The following LHFPL6 variants were observed in gnomAD, a reference collection of about 807,000 sequenced individuals.
LHFPL6 encodes the protein LHFPL tetraspan subfamily member 6.
Under a neutral mutation model 20.6 loss-of-function variants are expected in LHFPL6, and 9 were observed. That is an observed-to-expected ratio of 0.44 (90% CI 0.26 to 0.76). LHFPL6 has a LOEUF of 0.76. Among genes scored for constraint, LHFPL6 ranks in the 30% least tolerant of loss-of-function variants. The pLI, the probability that LHFPL6 is intolerant of heterozygous loss-of-function variation, is 0.20. For missense variants in LHFPL6, 218 were observed against 253.5 expected (o/e 0.86, Z 0.95); for synonymous variants, 105 against 98.7 (o/e 1.06, Z -0.38).
At chr13:39,418,762 T>C (rs1462717533) in intron 2 of LHFPL6, among the ~76,000 whole-genome samples, 2 of 152,212 alleles carry the variant, frequency 1.3e-5, no homozygotes, top group African/African-American at 4.8e-5. Flanking sequence ...TTTGACAAAA[T>C]TAAACAGCTT....
Position 39,472,932 on chromosome 13 carries a change from C to A in LHFPL6, c.386-94406G>T, listed in dbSNP as rs961857285. ...GGCCCCCTTCTTTATTAACAACAGG[C>A]CTTCACTAGTATAGTCCTTTCCAAA... On this transcript the variant is annotated intron_variant, in intron 2 of 3. Transcript: ENST00000379589. 2.0e-5 allele frequency among the ~76,000 whole-genome samples: 3 copies of A among 152,250 alleles called. No individual in the cohort carries two copies. The South Asian group carries it at 6.2e-4, about 32-fold the overall frequency.
chr13:39,355,247 C>T (rs1011300900), intron 3 of LHFPL6, among the ~76,000 whole-genome samples: 11 of 151,772 alleles, frequency 7.2e-5, no homozygotes, highest in African/African-American at 2.7e-4. Flanking sequence ...TTTCAGTATC[C>T]TTAAAGGAAA....
chr13:39,543,253 C>A (rs2138505630), intron 2 of LHFPL6, among the ~76,000 whole-genome samples: 1 of 152,348 alleles, frequency 6.6e-6, no homozygotes, highest in East Asian at 1.9e-4. Context: ...CTTAGCCATT[C>A]ACTCTTTCCT....
intron 2 of LHFPL6, among the ~76,000 whole-genome samples, chr13:39,417,072 C>T (rs767877281): frequency 5.3e-5 from 8 of 152,102 alleles, no homozygotes; most frequent in Non-Finnish European, 7.4e-5. Context: ...CCTCTTAACT[C>T]CAGGAAGAAA....
chr13:39,416,223 T>G (rs1018343284), intron 2 of LHFPL6, among the ~76,000 whole-genome samples: 2 of 152,200 alleles, frequency 1.3e-5, no homozygotes, highest in African/African-American at 4.8e-5. Flanking sequence ...GACTCAATGA[T>G]CAAGCCCTAG....
At chr13:39,489,050 T>TGAACA (rs1868824568) in intron 2 of LHFPL6, among the ~76,000 whole-genome samples, 1 of 152,188 alleles carries the variant, frequency 6.6e-6, no homozygotes, top group African/African-American at 2.4e-5. Context: ...CAATATCATT[T>TGAACA]AAGGACTCCC....
chr13:39,533,822 A>G (rs968992143), intron 2 of LHFPL6, among the ~76,000 whole-genome samples: 1 of 152,126 alleles, frequency 6.6e-6, no homozygotes, highest in Non-Finnish European at 1.5e-5. Context: ...CATACACAAC[A>G]TTCCACACAT....
At chr13:39,529,227 G>C (rs1870385651) in intron 2 of LHFPL6, among the ~76,000 whole-genome samples, 1 of 152,030 alleles carries the variant, frequency 6.6e-6, no homozygotes, top group Non-Finnish European at 1.5e-5. Context: ...GAGTAGCTGG[G>C]ATTACAGGCA....
rs60324329 is a variant in LHFPL6 at position 39,563,091 on chromosome 13, A to AACACACACACAC, written c.385+37729_385+37740dup. ...ATAAAGGTCATGGGGCAATACTAGA[A>AACACACACACAC]ACACACACACACACACACACACACA... On this transcript the variant is annotated intron_variant, in intron 2 of 3. Transcript: ENST00000379589. 6.4e-3 allele frequency among the ~76,000 whole-genome samples: 869 copies of AACACACACACAC among 135,834 alleles called. 17 individuals are homozygous for AACACACACACAC. Among genetic ancestry groups the AACACACACACAC allele is most frequent in the Non-Finnish European group, 9.7e-3 (615 of 63,320 alleles). The allele number at this position is 135,834 out of a possible 152,430, so 89.1% of individuals were successfully genotyped here. A position where few individuals can be genotyped will look rare whatever the true frequency, so the allele number is the denominator to read the frequency against.
At chr13:39,451,056 G>A (rs182043963) in intron 2 of LHFPL6, among the ~76,000 whole-genome samples, 4 of 152,150 alleles carry the variant, frequency 2.6e-5, no homozygotes, top group African/African-American at 9.6e-5. Flanking sequence ...TCTACTCTCC[G>A]GAAGATAGCT....
At chr13:39,540,279 TTA>T (rs1870757177) in intron 2 of LHFPL6, among the ~76,000 whole-genome samples, 2 of 152,172 alleles carry the variant, frequency 1.3e-5, no homozygotes, top group Non-Finnish European at 2.9e-5. Context: ...AAATACCATA[TTA>T]GAGTCTTCTA....
intron 3 of LHFPL6, among the ~76,000 whole-genome samples, chr13:39,374,565 T>C (rs1189208848): frequency 1.3e-5 from 2 of 152,158 alleles, no homozygotes; most frequent in African/African-American, 4.8e-5. Context: ...AAAAGTTCTA[T>C]TGGGGCCATC....
chr13:39,385,510 G>A (rs1237808035), intron 2 of LHFPL6, among the ~76,000 whole-genome samples: 1 of 152,268 alleles, frequency 6.6e-6, no homozygotes, highest in Admixed American at 6.5e-5. Flanking sequence ...ACGTGAGCTT[G>A]GATACACTGG....
chr13:39,511,863 G>C (rs113968855), intron 2 of LHFPL6, among the ~76,000 whole-genome samples: 1,538 of 152,278 alleles, frequency 0.01, 24 homozygotes, highest in African/African-American at 0.036. Flanking sequence ...AAATGCTCTT[G>C]ATAATAATCC....
chr13:39,563,653 A>G lies in LHFPL6; in HGVS notation c.385+37179T>C, dbSNP rs755981591. Among the ~76,000 whole-genome samples the G allele has an allele frequency of 5.3e-5, 8 of 152,160 alleles. No homozygotes were observed. In the South Asian group the frequency reaches 6.2e-4, roughly 12 times the overall value. ...GCAAAGTGGAAATATGGGACTCAGA[A>G]CATAATTTCTACTTCCCTGGGAGCA... On this transcript the variant is annotated intron_variant, in intron 2 of 3. Coordinates refer to ENST00000379589, the MANE Select transcript of LHFPL6 (RefSeq NM_005780.3).
chr13:39,499,135 T>C (rs753160624), intron 2 of LHFPL6, among the ~76,000 whole-genome samples: 11 of 152,074 alleles, frequency 7.2e-5, no homozygotes, highest in Non-Finnish European at 1.3e-4. Flanking sequence ...AGTGCTAAGA[T>C]TACAGGCGTG....
At chr13:39,560,467 T>A (rs908372674) in intron 2 of LHFPL6, among the ~76,000 whole-genome samples, 1 of 151,670 alleles carries the variant, frequency 6.6e-6, no homozygotes, top group African/African-American at 2.4e-5. Flanking sequence ...TGCCTGGGAG[T>A]GTTCAAGCAC....
chr13:39,353,953 G>T (rs1253341678), intron 3 of LHFPL6, among the ~76,000 whole-genome samples: 1 of 152,254 alleles, frequency 6.6e-6, no homozygotes, highest in African/African-American at 2.4e-5. Context: ...GAAGGTGTGT[G>T]TAATGGTAGA....
intron 3 of LHFPL6, among the ~76,000 whole-genome samples, chr13:39,375,669 G>A (rs1012598869): frequency 3.5e-5 from 5 of 143,374 alleles, no homozygotes; most frequent in African/African-American, 1.5e-4. Flanking sequence ...CAGCCTAGGC[G>A]AGAGAGTGAG....
Sources: gnomAD v4.1 joint callset for allele counts (sites outside exome capture counted in the v4.1 genomes callset) on GRCh38, gnomAD v4.1.1 for gene constraint, MANE v1.5 for transcripts, NCBI Gene and HGNC (gene_info 2026-07-23, HGNC 2026-07-21) for gene names.